Variants in AP3M1 observed in about 807,000 individuals in gnomAD.
AP3M1 encodes AP-3 complex subunit mu-1.
In AP3M1, 29 loss-of-function variants were observed where a neutral mutation model predicts 42.6. That is an observed-to-expected ratio of 0.68 (90% CI 0.51 to 0.93). AP3M1 has a LOEUF of 0.93. Among genes scored for constraint, AP3M1 ranks in the 40% least tolerant of loss-of-function variants. AP3M1 has a pLI of 0.00. For synonymous variants in AP3M1, 178 were observed against 175.3 expected, an observed-to-expected ratio of 1.02 and a Z score of -0.12; for missense variants, 416 against 510.2, an observed-to-expected ratio of 0.82 and a Z score of 1.78.
intron 5 of AP3M1, 79 bp from the exon 6 acceptor site, chr10:74,129,320 T>G: frequency 1.4e-6 from 2 of 1,458,936 alleles, no homozygotes; most frequent in Non-Finnish European, 1.9e-6. Context: ...GACAAATATG[T>G]TCCCTGAAGA....
At chr10:74,147,209 C>T (rs1002166493) in intron 1 of AP3M1, among the ~76,000 whole-genome samples, 3 of 152,080 alleles carry the variant, frequency 2.0e-5, no homozygotes, top group Non-Finnish European at 4.4e-5. Context: ...CGCTTGAACC[C>T]GGGAGGTGGA....
intron 1 of AP3M1, among the ~76,000 whole-genome samples, chr10:74,139,132 CT>C (rs1350924501): frequency 2.6e-5 from 4 of 151,784 alleles, no homozygotes; most frequent in Middle Eastern, 3.4e-3. Context: ...AAACAAAAGG[CT>C]TCCAAATTGG....
At chr10:74,125,455 C>T (rs1840586141) in intron 7 of AP3M1, among the ~76,000 whole-genome samples, 1 of 152,186 alleles carries the variant, frequency 6.6e-6, no homozygotes, top group Non-Finnish European at 1.5e-5. Flanking sequence ...TCTGAAGCTC[C>T]CTTTCTCAGC....
intron 1 of AP3M1, among the ~76,000 whole-genome samples, chr10:74,139,208 C>A (rs1446843434): frequency 1.3e-5 from 2 of 151,828 alleles, no homozygotes; most frequent in East Asian, 3.9e-4. Flanking sequence ...CCTAAGGAAT[C>A]CACACACACA....
chr10:74,136,574 T>C (rs1591754417), intron 3 of AP3M1, 58 bp downstream of exon 3: 2 of 1,309,554 alleles, frequency 1.5e-6, no homozygotes, highest in East Asian at 5.0e-5. Flanking sequence ...TGAGCAATAA[T>C]GAGTTGTTTA....
At chr10:74,125,025 G>A (rs1288575886) in intron 7 of AP3M1, among the ~76,000 whole-genome samples, 1 of 151,978 alleles carries the variant, frequency 6.6e-6, no homozygotes, top group Non-Finnish European at 1.5e-5. Flanking sequence ...TTGTTGCCTA[G>A]GATGGAGTGC....
intron 1 of AP3M1, among the ~76,000 whole-genome samples, chr10:74,146,676 G>A (rs1841338376): frequency 6.6e-6 from 1 of 152,140 alleles, no homozygotes; most frequent in Admixed American, 6.5e-5. Context: ...CCCTTCTGGT[G>A]CTTTAGAGAA....
chr10:74,145,712 A>ACTG (rs1345231421), intron 1 of AP3M1, among the ~76,000 whole-genome samples: 1 of 152,194 alleles, frequency 6.6e-6, no homozygotes, highest in Non-Finnish European at 1.5e-5. Context: ...ACTAGAAGAA[A>ACTG]CTGTGTTCAG....
At chr10:74,127,810 C>T (rs907078457) in intron 6 of AP3M1, among the ~76,000 whole-genome samples, 4 of 151,156 alleles carry the variant, frequency 2.6e-5, no homozygotes, top group Admixed American at 1.3e-4. Context: ...TGATAAGAGC[C>T]AAGAAACAGG....
rs1050244690 is a variant in AP3M1 at position 74,136,937 on chromosome 10, C to CG, written c.274-135dup. ...GCTGCTGAACATATATAAAACAGAG[C>CG]GGGGGAAAAAACCCTCTATAGTCCG... On this transcript the variant is annotated intron_variant, in intron 2 of 8. Coordinates refer to ENST00000355264, the MANE Select transcript of AP3M1 (RefSeq NM_012095.6). The CG allele has an allele frequency of 2.5e-5, 14 of 558,926 alleles. No individual in the cohort carries two copies. In the African/African-American group the frequency reaches 2.5e-4, roughly 10 times the overall value. 34.6% of individuals were successfully genotyped at this position (558,926 alleles called of 1,614,324 possible). A position where few individuals can be genotyped will look rare whatever the true frequency, so the allele number is the denominator to read the frequency against.
chr10:74,132,365 T>C (rs1840805747), intron 4 of AP3M1, among the ~76,000 whole-genome samples: 1 of 152,058 alleles, frequency 6.6e-6, no homozygotes, highest in African/African-American at 2.4e-5. Context: ...AATTTTACGA[T>C]TCTTATAGAG....
intron 6 of AP3M1, among the ~76,000 whole-genome samples, chr10:74,126,571 G>A: frequency 6.6e-6 from 1 of 152,126 alleles, no homozygotes; most frequent in East Asian, 1.9e-4. Context: ...AAATTGGCCA[G>A]GCGTGGTGGC....
At chr10:74,144,908 C>T (rs527943428) in intron 1 of AP3M1, among the ~76,000 whole-genome samples, 13 of 152,098 alleles carry the variant, frequency 8.5e-5, no homozygotes, top group African/African-American at 2.7e-4. Context: ...GTGATCCGCC[C>T]GCCTCAGCCT....
At chr10:74,128,100 TAAAAAAA>T (rs754897677) in intron 6 of AP3M1, among the ~76,000 whole-genome samples, 4 of 68,432 alleles carry the variant, frequency 5.8e-5, no homozygotes, top group East Asian at 3.9e-4. Flanking sequence ...AACTCCGGCT[TAAAAAAA>T]AAAAAAAAAA....
intron 8 of AP3M1, 122 bp from the exon 9 acceptor site, chr10:74,124,032 GTCTCT>G: frequency 1.1e-6 from 1 of 882,286 alleles, no homozygotes; most frequent in South Asian, 1.6e-5. Context: ...TGGAAGAAAT[GTCTCT>G]TCTATCATTT....
At chr10:74,127,143 AAAT>A (rs1348186074) in intron 6 of AP3M1, among the ~76,000 whole-genome samples, 2 of 152,148 alleles carry the variant, frequency 1.3e-5, no homozygotes, top group Non-Finnish European at 2.9e-5. Flanking sequence ...GGTTATATGC[AAAT>A]ACTACACCAT....
At position 74,124,500 on chromosome 10, in the gene AP3M1, T is replaced by C. The variant is rs765948206; in HGVS notation, c.1036A>G (p.Ile346Val). 7.5e-6 allele frequency: 12 copies of C among 1,608,908 alleles called. No individual in the cohort carries two copies. In the Admixed American group the frequency reaches 1.9e-4, roughly 25 times the overall value. ...TKVLTWDVGK[I>V]TPQKLPSLKG... ...AGACTTGGGAGCTTTTGTGGAGTAA[T>C]TTTTCCCACATCCCATGTTAGTACC... The change falls in exon 8 of 9, where the codon ATT (isoleucine) becomes GTT (valine). Residue 346 changes from isoleucine (I) to valine (V), a missense_variant. Transcript: ENST00000355264.
At chr10:74,136,603 GT>G in intron 3 of AP3M1, 28 bp downstream of exon 3, 3 of 1,460,292 alleles carry the variant, frequency 2.1e-6, no homozygotes, top group Non-Finnish European at 2.8e-6. Flanking sequence ...TAATTGCTCA[GT>G]TACTAGCACA....
rs750468563 is a variant in AP3M1, at chr10:74,129,910, G to C, written c.666C>G (p.Phe222Leu). 50 of 1,610,512 alleles carry C rather than the reference G, an allele frequency of 3.1e-5. 1 individual carries two copies. In the South Asian group the frequency reaches 5.2e-4, roughly 17 times the overall value. Residue 222 changes from phenylalanine to leucine, a missense_variant, in exon 5 of 9, where the codon TTC becomes TTG. By Grantham distance (22) the Phe-to-Leu change is conservative. Transcript: ENST00000355264. ...AAAACAGGAGAATAAAACTTACCATGAAAGAAAGGGAGAGATCAGGCATTC... is the reference window on the plus strand; with the variant it reads ...AAAACAGGAGAATAAAACTTACCATCAAAGAAAGGGAGAGATCAGGCATTC... ...LSGMPDLSLS[F>L]MNPRLLDDVS...
Sources: allele counts gnomAD v4.1 joint callset (sites outside exome capture counted in the v4.1 genomes callset), GRCh38; gene constraint gnomAD v4.1.1; transcripts MANE v1.5; gene names NCBI Gene and HGNC (gene_info 2026-07-23, HGNC 2026-07-21).